The following ACSF3 variants were observed in gnomAD, a reference collection of about 807,000 sequenced individuals.
ACSF3 encodes the protein malonate--CoA ligase ACSF3, mitochondrial.
A neutral mutation model predicts 53.2 loss-of-function variants in ACSF3; 78 were observed. That is an observed-to-expected ratio of 1.47 (90% CI 1.22 to 1.77). The LOEUF is 1.77. Among genes scored for constraint, ACSF3 ranks in the 40% most tolerant of loss-of-function variants. The pLI, the probability that ACSF3 is intolerant of heterozygous loss-of-function variation, is 0.00. For missense variants in ACSF3, 937 were observed against 771.1 expected (o/e 1.22, Z -2.55); for synonymous variants, 414 against 333.1 (o/e 1.24, Z -2.65).
chr16:89,106,428 G>C, intron 4 of ACSF3, among the ~76,000 whole-genome samples: 1 of 152,096 alleles, frequency 6.6e-6, no homozygotes, highest in East Asian at 1.9e-4. Context: ...GAGTAGCTGG[G>C]ATTACAGGCA....
chr16:89,155,686 T>A lies in ACSF3; in HGVS notation c.*1479T>A. The stretch of plus-strand genomic sequence containing the variant: ...AGTCCAGACGTTTGTGTCTAGGCCT[T>A]GCTGGTAGCTAAGGAAATGCCTTCT... On this transcript the variant is annotated 3_prime_UTR_variant, in exon 11 of 11. Transcript: ENST00000614302. The A allele has an allele frequency of 2.2e-6, 1 of 454,152 alleles. No individual in the cohort carries two copies. The highest frequency in any genetic ancestry group is 4.4e-6 in the Non-Finnish European group (1 of 226,792). 28.1% of individuals were successfully genotyped at this position (454,152 alleles called of 1,614,324 possible).
intron 7 of ACSF3, among the ~76,000 whole-genome samples, chr16:89,124,324 AC>A (rs1355353523): frequency 6.6e-6 from 1 of 151,930 alleles, no homozygotes; most frequent in Non-Finnish European, 1.5e-5. Flanking sequence ...TGTGTGTGAG[AC>A]CCGTTTGCAC....
chr16:89,136,430 A>G, intron 8 of ACSF3: 1 of 1,030,794 alleles, frequency 9.7e-7, no homozygotes, highest in Non-Finnish European at 1.3e-6. Flanking sequence ...GTCACAGGCC[A>G]TTAGCGATGC....
intron 8 of ACSF3, chr16:89,141,071 C>G (rs1268391980): frequency 5.5e-6 from 7 of 1,271,954 alleles, no homozygotes; most frequent in Middle Eastern, 3.3e-4. Flanking sequence ...TCACAGTGAT[C>G]GCAAGTTGCC....
At chr16:89,125,678 G>A (rs1307477493) in intron 7 of ACSF3, among the ~76,000 whole-genome samples, 1 of 147,486 alleles carries the variant, frequency 6.8e-6, no homozygotes, top group Non-Finnish European at 1.5e-5. Context: ...GCAACAGAGT[G>A]AGACTGCCTC....
chr16:89,155,222 G>A lies in ACSF3; in HGVS notation c.*1015G>A, dbSNP rs1232565144. On this transcript the variant is annotated 3_prime_UTR_variant, in exon 11 of 11. Coordinates refer to ENST00000614302, the MANE Select transcript of ACSF3 (RefSeq NM_001243279.3). ...AGGCTGCCTCCTCCCCACAGCCTGG[G>A]GGAAGTAACAGTCATCGCCCAGCAG... The A allele has an allele frequency of 8.8e-6, 4 of 454,026 alleles. No homozygotes were observed. The highest frequency in any genetic ancestry group is 1.8e-5 in the Non-Finnish European group (4 of 226,814). The allele number at this position is 454,026 out of a possible 1,614,324, so 28.1% of individuals were successfully genotyped here. A position where few individuals can be genotyped will look rare whatever the true frequency, so the allele number is the denominator to read the frequency against.
At position 89,145,274 on chromosome 16, in the gene ACSF3, C is replaced by T. The variant is rs761654873; in HGVS notation, c.1374C>T (p.Thr458=). The T allele has an allele frequency of 8.7e-6, 14 of 1,613,960 alleles. No homozygotes were observed. The highest frequency in any genetic ancestry group is 1.6e-4 in the Middle Eastern group (1 of 6,084). The change falls in exon 9 of 11, where the codon ACC becomes ACT. Residue 458 remains threonine, a synonymous_variant. Coordinates refer to ENST00000614302, the MANE Select transcript of ACSF3 (RefSeq NM_001243279.3). ...TLDGWFKTGD[T]VVFKDGQYWI... ...AGAGCCCCTTTTCCTCAGGGGACAC[C>T]GTGGTGTTTAAGGATGGCCAGTACT...
At chr16:89,107,690 C>T (rs755005841) in intron 4 of ACSF3, among the ~76,000 whole-genome samples, 21 of 152,348 alleles carry the variant, frequency 1.4e-4, no homozygotes, top group Middle Eastern at 6.8e-3. Context: ...CATTCTCACA[C>T]AGATGTCCCT....
intron 7 of ACSF3, among the ~76,000 whole-genome samples, chr16:89,125,843 C>T (rs957038689): frequency 2.0e-5 from 3 of 152,282 alleles, no homozygotes; most frequent in East Asian, 3.9e-4. Context: ...TCCGTGAACA[C>T]GGTGTGTCTC....
intron 10 of ACSF3, chr16:89,153,788 CCTGCAGGCCACTCT>C (rs1914403584): frequency 2.3e-6 from 1 of 438,406 alleles, no homozygotes; most frequent in Non-Finnish European, 4.2e-6. Context: ...GCCCCTCTGC[CCTGCAGGCCACTCT>C]GTGCAGGCCT....
rs370617756 is a variant in ACSF3 at position 89,139,501 on chromosome 16, C to T, written c.1367-5766C>T. Among the ~76,000 whole-genome samples, 15 of 151,790 alleles carry T rather than the reference C, an allele frequency of 9.9e-5. No homozygotes were observed. In the East Asian group the frequency reaches 1.9e-3, roughly 20 times the overall value. On this transcript the variant is annotated intron_variant, in intron 8 of 10. Transcript: ENST00000614302. Reference sequence around the variant, plus strand: ...GCGTATAGGGTTCAGGGTTAGAAGTCGCTTCTCTATCATTTTCTGGCCTTC... The same window carrying T: ...GCGTATAGGGTTCAGGGTTAGAAGTTGCTTCTCTATCATTTTCTGGCCTTC...
At chr16:89,102,252 C>G (rs968895663) in intron 3 of ACSF3, 1 of 376,036 alleles carries the variant, frequency 2.7e-6, no homozygotes, top group Non-Finnish European at 5.1e-6. Flanking sequence ...GGCTGGGAGT[C>G]GATTCCAGCC....
In ACSF3 at chr16:89,156,209, C is replaced by T. The variant is rs1346094029; in HGVS notation, c.*2002C>T. Among the ~76,000 whole-genome samples, 1 of 152,140 alleles carries T rather than the reference C, an allele frequency of 6.6e-6. No homozygotes were observed. The highest frequency in any genetic ancestry group is 1.5e-5 in the Non-Finnish European group (1 of 68,016). ...AGGGAACTCATCCTCTCCTCCCTCC[C>T]CATTAAAGCCCAGTTTATTCCCCAT... is the stretch of plus-strand genomic sequence containing the variant. On this transcript the variant is annotated 3_prime_UTR_variant, in exon 11 of 11. Coordinates refer to ENST00000614302, the MANE Select transcript of ACSF3 (RefSeq NM_001243279.3).
chr16:89,142,809 A>G (rs774458295), intron 8 of ACSF3, among the ~76,000 whole-genome samples: 4 of 152,178 alleles, frequency 2.6e-5, no homozygotes, highest in Non-Finnish European at 5.9e-5. Context: ...ACACCTGCAG[A>G]CACACCCACA....
chr16:89,143,344 T>C (rs1912247752), intron 8 of ACSF3, among the ~76,000 whole-genome samples: 1 of 152,092 alleles, frequency 6.6e-6, no homozygotes, highest in African/African-American at 2.4e-5. Context: ...CAGGCAGTGA[T>C]GGCCTCTCCG....
chr16:89,133,214 C>G lies in ACSF3; in HGVS notation c.1318C>G (p.Pro440Ala). Reference sequence around the variant, plus strand: ...CGTGTTTCGAGAATACTGGAATAAACCAGAAGAAACTAAGAGTGCATTCAC... The same window carrying G: ...CGTGTTTCGAGAATACTGGAATAAAGCAGAAGAAACTAAGAGTGCATTCAC... Reference protein sequence around the residue: ...PSVFREYWNKPEETKSAFTLD... With the variant: ...PSVFREYWNKAEETKSAFTLD... The change falls in exon 8 of 11, where the codon CCA (proline) becomes GCA (alanine). Residue 440 changes from proline to alanine, a missense_variant. Coordinates refer to ENST00000614302, the MANE Select transcript of ACSF3 (RefSeq NM_001243279.3). 1 of 1,614,110 alleles carries G rather than the reference C, an allele frequency of 6.2e-7. No homozygotes were observed. The highest frequency in any genetic ancestry group is 8.5e-7 in the Non-Finnish European group (1 of 1,180,018).
intron 4 of ACSF3, among the ~76,000 whole-genome samples, chr16:89,103,534 A>T (rs1246614033): frequency 2.0e-5 from 3 of 152,230 alleles, no homozygotes; most frequent in African/African-American, 7.2e-5. Flanking sequence ...CTATGCGGAT[A>T]TTCCAAGATC....
rs111933554 is a variant in ACSF3 at position 89,120,671 on chromosome 16, G to A, written c.1127-130G>A. 5.2e-5 allele frequency: 45 copies of A among 870,232 alleles called. 1 individual carries two copies. The highest frequency in any genetic ancestry group is 4.6e-4 in the African/African-American group (28 of 60,812). The allele number at this position is 870,232 out of a possible 1,614,324, so 53.9% of individuals were successfully genotyped here. A position where few individuals can be genotyped will look rare whatever the true frequency, so the allele number is the denominator to read the frequency against. ...ATCTTCTCTCTGGGTCACAGGGCAC[G>A]TCGCTCCCTCCACACAGACTCCCGC... On this transcript the variant is annotated intron_variant, in intron 6 of 10. Coordinates refer to ENST00000614302, the MANE Select transcript of ACSF3 (RefSeq NM_001243279.3).
At chr16:89,141,799 G>A (rs979478302) in intron 8 of ACSF3, among the ~76,000 whole-genome samples, 6 of 152,200 alleles carry the variant, frequency 3.9e-5, no homozygotes, top group Non-Finnish European at 8.8e-5. Flanking sequence ...AAGGACACAC[G>A]ACTGCCACCA....
Sources: allele counts gnomAD v4.1 joint callset (sites outside exome capture counted in the v4.1 genomes callset), GRCh38; gene constraint gnomAD v4.1.1; transcripts MANE v1.5; gene names NCBI Gene and HGNC (gene_info 2026-07-23, HGNC 2026-07-21).